The following TRAF2 variants were observed in gnomAD, a reference collection of about 807,000 sequenced individuals.
TRAF2 encodes the protein TNF receptor-associated factor 2.
Under a neutral mutation model 55.6 loss-of-function variants are expected in TRAF2, and 6 were observed. The observed-to-expected ratio is 0.11, with a 90% CI of 0.06 to 0.21. TRAF2 has a LOEUF of 0.21. TRAF2 is among the 10% of genes least tolerant of loss of function. TRAF2 has a pLI of 1.00. For synonymous variants in TRAF2, 329 were observed against 276.3 expected, an observed-to-expected ratio of 1.19 and a Z score of -1.89; for missense variants, 561 against 684.5, an observed-to-expected ratio of 0.82 and a Z score of 2.01.
At chr9:136,887,136 C>T (rs1319875332) in intron 1 of TRAF2, among the ~76,000 whole-genome samples, 1 of 152,134 alleles carries the variant, frequency 6.6e-6, no homozygotes, top group African/African-American at 2.4e-5. Context: ...GTGAAAAGTC[C>T]CTCTGGCTGC....
chr9:136,894,512 T>A (rs906371558), intron 1 of TRAF2, among the ~76,000 whole-genome samples: 3 of 151,822 alleles, frequency 2.0e-5, no homozygotes, highest in African/African-American at 7.3e-5. Flanking sequence ...GGTGTGCAGA[T>A]CCATAGGGAC....
chr9:136,891,778 G>A (rs575268181), intron 1 of TRAF2, among the ~76,000 whole-genome samples: 1 of 151,582 alleles, frequency 6.6e-6, no homozygotes, highest in South Asian at 2.1e-4. Flanking sequence ...CTGGAGAGCA[G>A]TGGTGCGATC....
At chr9:136,886,586 G>T in intron 1 of TRAF2, 45 bp downstream of exon 1, 5 of 983,670 alleles carry the variant, frequency 5.1e-6, no homozygotes, top group South Asian at 4.5e-5. Flanking sequence ...CGCGGGCGCG[G>T]GGTCGGGTGC....
At chr9:136,882,102 C>G (rs1849381846), upstream of TRAF2, 2 of 944,624 alleles carry the variant, frequency 2.1e-6, no homozygotes, top group East Asian at 1.2e-4. Context: ...GTGGGGGGCC[C>G]AGCTTGGACA....
rs768932900 is a variant in TRAF2, at chr9:136,920,529, G to T, written c.960+14G>T. The T allele has an allele frequency of 2.5e-6, 4 of 1,599,548 alleles. No homozygotes were observed. Among genetic ancestry groups the T allele is most frequent in the Non-Finnish European group, 3.4e-6 (4 of 1,171,720 alleles). On this transcript the variant is annotated intron_variant, in intron 8 of 10. Transcript: ENST00000247668. ...CTGAGTAGCAAGGTTTGTGCCTGCC[G>T]GGTGGCCAGCCATGAGGAGGACAGT...
At position 136,925,961 on chromosome 9, in the gene TRAF2, G is replaced by T; in HGVS notation, c.*60G>T. The T allele has an allele frequency of 6.3e-7, 1 of 1,595,106 alleles. No individual in the cohort carries two copies. Among genetic ancestry groups the T allele is most frequent in the Non-Finnish European group, 8.6e-7 (1 of 1,166,082 alleles). ...CCAGGCACAGCCGGCTCACGGAGGG[G>T]CCACCACGCTGGGCCAGGGTCTCAC... On this transcript the variant is annotated 3_prime_UTR_variant, in exon 11 of 11. Transcript: ENST00000247668.
chr9:136,883,106 G>A (rs918838148), upstream of TRAF2, among the ~76,000 whole-genome samples: 2 of 152,134 alleles, frequency 1.3e-5, no homozygotes, highest in African/African-American at 4.8e-5. Context: ...CTGATCTCAG[G>A]TGATCTGCCC....
At chr9:136,904,818 G>T (rs1849909060) in intron 4 of TRAF2, among the ~76,000 whole-genome samples, 1 of 82,670 alleles carries the variant, frequency 1.2e-5, no homozygotes, top group African/African-American at 5.2e-5. Context: ...CAGCTTGATG[G>T]TGGCTTGTTA....
chr9:136,917,718 T>C (rs145028966), intron 7 of TRAF2, among the ~76,000 whole-genome samples: 6 of 152,228 alleles, frequency 3.9e-5, no homozygotes, highest in Non-Finnish European at 5.9e-5. Flanking sequence ...TGTGTTTTTT[T>C]CCTAATGGTG....
chr9:136,892,234 C>T (rs1050925371), intron 1 of TRAF2, among the ~76,000 whole-genome samples: 1 of 151,400 alleles, frequency 6.6e-6, no homozygotes, highest in Non-Finnish European at 1.5e-5. Context: ...GAGACCGAGG[C>T]GGGCAGATCA....
chr9:136,918,255 A>ATATATTTATT (rs1402432355), intron 7 of TRAF2, among the ~76,000 whole-genome samples: 1 of 23,346 alleles, frequency 4.3e-5, no homozygotes, highest in African/African-American at 2.1e-4. Flanking sequence ...ATATATATAT[A>ATATATTTATT]TATTTATTTA....
chr9:136,910,961 C>T (rs1394382325), intron 6 of TRAF2, among the ~76,000 whole-genome samples: 1 of 152,222 alleles, frequency 6.6e-6, no homozygotes, highest in Admixed American at 6.5e-5. Context: ...TGCCATGCCC[C>T]CTTCAGAGGC....
rs552723451 is a variant in TRAF2, at chr9:136,898,845, C to T, written c.105C>T (p.Ser35=). 373 of 1,613,686 alleles carry T rather than the reference C, an allele frequency of 2.3e-4. 4 individuals carry two copies. In the South Asian group the frequency reaches 3.8e-3, roughly 16 times the overall value. ...GTKLEAKYLC[S]ACRNVLRRPF... ...AGCTGGAAGCCAAGTACCTGTGCTC[C>T]GCCTGCAGAAACGTCCTCCGCAGGC... is the stretch of plus-strand genomic sequence containing the variant. Residue 35 remains serine, a synonymous_variant, in exon 2 of 11, where the codon TCC becomes TCT. Coordinates refer to ENST00000247668, the MANE Select transcript of TRAF2 (RefSeq NM_021138.4).
upstream of TRAF2, chr9:136,886,468 G>A: frequency 2.0e-6 from 2 of 995,758 alleles, no homozygotes; most frequent in African/African-American, 1.7e-5. Flanking sequence ...ACGCGGCGGA[G>A]CGGCGGCGGC....
intron 1 of TRAF2, among the ~76,000 whole-genome samples, chr9:136,892,960 C>T (rs1849611084): frequency 6.6e-6 from 1 of 152,184 alleles, no homozygotes; most frequent in South Asian, 2.1e-4. Flanking sequence ...AAATAGAACA[C>T]TCAGAATGCC....
At chr9:136,901,469 GAA>G (rs1200461263) in intron 4 of TRAF2, among the ~76,000 whole-genome samples, 1 of 152,208 alleles carries the variant, frequency 6.6e-6, no homozygotes, top group Non-Finnish European at 1.5e-5. Flanking sequence ...CCCCAGGGAT[GAA>G]CTCTGAGGAC....
intron 1 of TRAF2, among the ~76,000 whole-genome samples, chr9:136,888,367 C>T (rs1300383931): frequency 1.3e-5 from 2 of 152,004 alleles, no homozygotes; most frequent in African/African-American, 4.8e-5. Context: ...GGAGGCGGAG[C>T]TTGCAGTGAG....
intron 1 of TRAF2, among the ~76,000 whole-genome samples, chr9:136,897,703 T>C (rs1849713906): frequency 2.3e-5 from 3 of 132,270 alleles, no homozygotes; most frequent in Non-Finnish European, 4.7e-5. Flanking sequence ...GGGAATGCAC[T>C]AGGCAGCCCC....
chr9:136,889,861 C>CA (rs1300905203), intron 1 of TRAF2: 4 of 151,654 alleles, frequency 2.6e-5, no homozygotes, highest in Admixed American at 2.6e-4. Flanking sequence ...ACATTTGTGA[C>CA]AGTCATCCCC....
Sources: gnomAD v4.1 joint callset for allele counts (sites outside exome capture counted in the v4.1 genomes callset) on GRCh38, gnomAD v4.1.1 for gene constraint, MANE v1.5 for transcripts, NCBI Gene and HGNC (gene_info 2026-07-23, HGNC 2026-07-21) for gene names.